SLC5A8: variants seen among roughly 807,000 people sequenced by gnomAD.
SLC5A8 encodes sodium-coupled monocarboxylate transporter 1.
Under a neutral mutation model 71.9 loss-of-function variants are expected in SLC5A8, and 55 were observed. That is an observed-to-expected ratio of 0.77 (90% confidence interval 0.62 to 0.96). The LOEUF (loss-of-function observed/expected upper bound fraction) is 0.96. Ranked by LOEUF, SLC5A8 falls within the 40% of genes least tolerant of loss-of-function variation. The pLI, the probability that SLC5A8 is intolerant of heterozygous loss-of-function variation, is 0.00. For missense variants in SLC5A8, 701 were observed against 745.3 expected (o/e 0.94, Z 0.69); for synonymous variants, 307 against 276.1 (o/e 1.11, Z -1.11).
intron 3 of SLC5A8, among the ~76,000 whole-genome samples, chr12:101,198,584 A>T (rs1296942866): frequency 6.6e-6 from 1 of 151,980 alleles, no homozygotes; most frequent in Non-Finnish European, 1.5e-5. Flanking sequence ...AACTGACCCA[A>T]CAAGACTTTT....
chr12:101,166,566 T>C lies in SLC5A8; in HGVS notation c.1454A>G (p.Asn485Ser). The part of the protein sequence containing the change: ...LDIQGCNSTY[N>S]ETNLMTTTEM... ...TGTGGTTGTCATCAAATTTGTCTCATTGTAGGTGCTGTTACAGCCTTGGAT... is the reference window on the plus strand; with the variant it reads ...TGTGGTTGTCATCAAATTTGTCTCACTGTAGGTGCTGTTACAGCCTTGGAT... The change falls in exon 12 of 15, where the codon AAT becomes AGT. Residue 485 changes from asparagine to serine, a missense_variant. Physicochemically the swap from Asn to Ser is conservative, Grantham distance 46. Transcript: ENST00000536262. The C allele has an allele frequency of 2.5e-6, 4 of 1,614,050 alleles. No homozygotes were observed. Among genetic ancestry groups the C allele is most frequent in the East Asian group, 2.2e-5 (1 of 44,872 alleles).
chr12:101,175,627 A>G (rs2051873141), intron 10 of SLC5A8, among the ~76,000 whole-genome samples: 1 of 152,156 alleles, frequency 6.6e-6, no homozygotes, highest in Non-Finnish European at 1.5e-5. Context: ...AACAAAACAA[A>G]AAAACCTGAG....
chr12:101,178,593 G>A (rs1365428756), intron 10 of SLC5A8, among the ~76,000 whole-genome samples: 1 of 152,074 alleles, frequency 6.6e-6, no homozygotes, highest in African/African-American at 2.4e-5. Context: ...AATGGTGCTG[G>A]TTGCACATCC....
intron 3 of SLC5A8, among the ~76,000 whole-genome samples, chr12:101,197,101 A>T (rs543609733): frequency 6.6e-6 from 1 of 152,364 alleles, no homozygotes; most frequent in African/African-American, 2.4e-5. Context: ...AGAATTTTTT[A>T]AAAATCTCAG....
intron 3 of SLC5A8, among the ~76,000 whole-genome samples, chr12:101,199,980 G>C (rs1206112652): frequency 4.4e-5 from 3 of 67,590 alleles, no homozygotes; most frequent in Non-Finnish European, 8.8e-5. Context: ...AAAAAATGTT[G>C]GTAGAGGCAT....
At chr12:101,193,868 T>G in intron 4 of SLC5A8, 89 bp from the exon 5 acceptor site, 1 of 1,333,508 alleles carries the variant, frequency 7.5e-7, no homozygotes. Context: ...AGAAAAATGA[T>G]ATAAACATGA....
chr12:101,184,322 G>T, intron 7 of SLC5A8, 100 bp from the exon 8 acceptor site: 1 of 951,202 alleles, frequency 1.1e-6, no homozygotes, highest in Non-Finnish European at 1.6e-6. Context: ...GGAACTGAAA[G>T]GAGTTATTCC....
At chr12:101,199,825 T>C (rs891295266) in intron 3 of SLC5A8, among the ~76,000 whole-genome samples, 2 of 151,392 alleles carry the variant, frequency 1.3e-5, no homozygotes, top group African/African-American at 4.8e-5. Context: ...ACTACATCCA[T>C]GTATTTCATT....
intron 10 of SLC5A8, among the ~76,000 whole-genome samples, chr12:101,175,310 A>T (rs2137135744): frequency 6.6e-6 from 1 of 152,258 alleles, no homozygotes; most frequent in Middle Eastern, 3.4e-3. Flanking sequence ...AACTTCAGGG[A>T]TCTGTAGAAC....
At chr12:101,178,831 A>AC (rs748771329) in intron 10 of SLC5A8, among the ~76,000 whole-genome samples, 2 of 152,044 alleles carry the variant, frequency 1.3e-5, no homozygotes, top group Non-Finnish European at 2.9e-5. Flanking sequence ...CTAAAAAAAA[A>AC]AATGCACTTT....
At chr12:101,169,223 A>G (rs559950033) in intron 10 of SLC5A8, among the ~76,000 whole-genome samples, 47 of 152,334 alleles carry the variant, frequency 3.1e-4, no homozygotes, top group South Asian at 2.9e-3. Flanking sequence ...GAGACATAAC[A>G]AAGACACCCA....
At chr12:101,180,188 G>A in intron 9 of SLC5A8, 92 bp from the exon 10 acceptor site, 1 of 1,288,106 alleles carries the variant, frequency 7.8e-7, no homozygotes, top group Non-Finnish European at 1.1e-6. Context: ...GATTCAAAGT[G>A]GATAATATGA....
At chr12:101,193,581 G>T in intron 5 of SLC5A8, 44 bp downstream of exon 5, 1 of 1,546,602 alleles carries the variant, frequency 6.5e-7, no homozygotes, top group Non-Finnish European at 8.7e-7. Flanking sequence ...TATTTTTATA[G>T]AATACAAAAG....
At position 101,158,269 on chromosome 12, in the gene SLC5A8, T is replaced by C; in HGVS notation, c.1690A>G (p.Asn564Asp). ...YILTKEDFLS[N>D]FDIFKKKKHV... ...CTCACTTTCTTAAAAATATCAAAAT[T>C]GGATAAAAAGTCCTCTTTGGTTAGT... The change falls in exon 14 of 15, where the codon AAT becomes GAT. Residue 564 changes from asparagine to aspartate, a missense_variant. By Grantham distance (23) the Asn-to-Asp change is conservative. Transcript: ENST00000536262. The C allele has an allele frequency of 1.3e-6, 2 of 1,590,064 alleles. No homozygotes were observed. The highest frequency in any genetic ancestry group is 2.2e-5 in the East Asian group (1 of 44,448).
In SLC5A8 at chr12:101,182,922, G is replaced by A. The variant is rs1437097651; in HGVS notation, c.1053-7C>T. 3.4e-6 allele frequency: 5 copies of A among 1,480,584 alleles called. No homozygotes were observed. Among genetic ancestry groups the A allele is most frequent in the African/African-American group, 1.5e-5 (1 of 67,940 alleles). 91.7% of individuals were successfully genotyped at this position (1,480,584 alleles called of 1,614,324 possible). ...AATACTGGAGGACACTGTGCTGTAA[G>A]GGAAAATAAAACTTTTGATTTATAA... On this transcript the variant is annotated splice_region_variant and splice_polypyrimidine_tract_variant and intron_variant, in intron 8 of 14. Coordinates refer to ENST00000536262, the MANE Select transcript of SLC5A8 (RefSeq NM_145913.5).
chr12:101,186,035 CTGAATGTATTCTACA>C (rs1040165803), intron 7 of SLC5A8, among the ~76,000 whole-genome samples: 3 of 151,154 alleles, frequency 2.0e-5, no homozygotes, highest in Non-Finnish European at 4.4e-5. Flanking sequence ...GCAAGACACC[CTGAATGTATTCTACA>C]AGATGTCTCA....
intron 7 of SLC5A8, 136 bp from the exon 8 acceptor site, chr12:101,184,358 A>G (rs1868516715): frequency 1.4e-6 from 1 of 695,756 alleles, no homozygotes; most frequent in Admixed American, 2.7e-5. Flanking sequence ...TCAAATACCT[A>G]AAATTAAACT....
chr12:101,182,044 T>C (rs760473452), intron 9 of SLC5A8, among the ~76,000 whole-genome samples: 5 of 152,190 alleles, frequency 3.3e-5, no homozygotes. Flanking sequence ...ATGCAGTACA[T>C]TGGCAAGATT....
chr12:101,163,620 T>C (rs1443964082), intron 12 of SLC5A8, among the ~76,000 whole-genome samples: 1 of 152,046 alleles, frequency 6.6e-6, no homozygotes, highest in Non-Finnish European at 1.5e-5. Context: ...GGAGGTTGCA[T>C]TGAACTCGAG....
Sources: gnomAD v4.1 joint callset for allele counts (sites outside exome capture counted in the v4.1 genomes callset) on GRCh38, gnomAD v4.1.1 for gene constraint, MANE v1.5 for transcripts, NCBI Gene and HGNC (gene_info 2026-07-23, HGNC 2026-07-21) for gene names.